Variants in ANK3 observed in about 807,000 individuals in gnomAD.
ANK3 encodes the protein ankyrin-3.
Under a neutral mutation model 370.9 loss-of-function variants are expected in ANK3, and 57 were observed. The ratio of observed to expected loss-of-function variants is 0.15; its 90% CI spans 0.12 to 0.19. The LOEUF is 0.19. Ranked by LOEUF, ANK3 falls within the 10% of genes least tolerant of loss-of-function variation. The probability of loss-of-function intolerance (pLI) is 1.00; values close to 1 mark genes in which losing one functional copy is unlikely to be tolerated. For synonymous variants in ANK3, 1,929 were observed against 1,946.3 expected, an observed-to-expected ratio of 0.99 and a Z score of 0.23; for missense variants, 4,439 against 5,302.1, an observed-to-expected ratio of 0.84 and a Z score of 5.06.
At chr10:60,700,787 T>G (rs1010772414) in intron 1 of ANK3, among the ~76,000 whole-genome samples, 8 of 152,068 alleles carry the variant, frequency 5.3e-5, no homozygotes, top group African/African-American at 1.9e-4. Context: ...TAAGATAAAT[T>G]CAAAATGAAT....
intron 30 of ANK3, among the ~76,000 whole-genome samples, chr10:60,085,904 C>T (rs1474785589): frequency 6.6e-6 from 1 of 152,100 alleles, no homozygotes. Context: ...CGTGAGCCAC[C>T]GCGCCCAGCC....
At chr10:60,454,675 G>A (rs1314004311) in intron 2 of ANK3, among the ~76,000 whole-genome samples, 7 of 152,038 alleles carry the variant, frequency 4.6e-5, no homozygotes, top group Admixed American at 6.6e-5. Context: ...TACACAAAAG[G>A]GTTCTGCTGT....
intron 7 of ANK3, among the ~76,000 whole-genome samples, chr10:60,258,458 T>C (rs928415570): frequency 2.0e-5 from 3 of 152,236 alleles, no homozygotes; most frequent in Non-Finnish European, 4.4e-5. Context: ...AAGTATGCTA[T>C]AAATCAGTTA....
At chr10:60,638,021 C>G (rs1367458119) in intron 1 of ANK3, among the ~76,000 whole-genome samples, 1 of 152,150 alleles carries the variant, frequency 6.6e-6, no homozygotes, top group Admixed American at 6.6e-5. Flanking sequence ...GAAGGAAGAA[C>G]CCCAACATAG....
intron 1 of ANK3, among the ~76,000 whole-genome samples, chr10:60,639,318 A>C (rs1322749043): frequency 6.6e-6 from 1 of 151,484 alleles, no homozygotes; most frequent in African/African-American, 2.4e-5. Flanking sequence ...TAGACCAAAA[A>C]GAAAAAAAAA....
chr10:60,124,148 C>T (rs919825256), intron 25 of ANK3, among the ~76,000 whole-genome samples: 3 of 151,918 alleles, frequency 2.0e-5, no homozygotes, highest in African/African-American at 4.8e-5. Flanking sequence ...AATCTCATAC[C>T]CCTAGATATT....
At chr10:60,051,795 G>A (rs2078092919) in intron 42 of ANK3, among the ~76,000 whole-genome samples, 2 of 151,016 alleles carry the variant, frequency 1.3e-5, no homozygotes, top group Admixed American at 1.3e-4. Flanking sequence ...ATGTGTGTGT[G>A]TGTGTGTGTG....
intron 2 of ANK3, among the ~76,000 whole-genome samples, chr10:60,467,932 A>T (rs1302565375): frequency 5.3e-5 from 8 of 152,124 alleles, no homozygotes; most frequent in Non-Finnish European, 1.0e-4. Flanking sequence ...GAAATTACTG[A>T]GACAAAGTTA....
chr10:60,508,343 T>C (rs572235199), intron 2 of ANK3: 2 of 152,612 alleles, frequency 1.3e-5, no homozygotes, highest in South Asian at 2.1e-4. Context: ...TTTCATTATT[T>C]CCGCTTTGCA....
intron 28 of ANK3, among the ~76,000 whole-genome samples, chr10:60,104,638 C>T (rs765130317): frequency 6.6e-6 from 1 of 152,086 alleles, no homozygotes; most frequent in Non-Finnish European, 1.5e-5. Context: ...TTTATCAGTG[C>T]TTCATGAATG....
chr10:60,514,274 C>T (rs1412344653), intron 2 of ANK3, among the ~76,000 whole-genome samples: 5 of 151,998 alleles, frequency 3.3e-5, no homozygotes, highest in Admixed American at 3.3e-4. Context: ...GGGTCAGTGC[C>T]CCGGCCCCCT....
chr10:60,088,123 G>A, intron 29 of ANK3, 24 bp downstream of exon 29: 1 of 1,607,162 alleles, frequency 6.2e-7, no homozygotes, highest in South Asian at 1.1e-5. Flanking sequence ...CATACTGAGG[G>A]AAACAACTTT....
intron 1 of ANK3, among the ~76,000 whole-genome samples, chr10:60,334,069 A>T (rs113829613): frequency 6.6e-6 from 1 of 152,218 alleles, no homozygotes; most frequent in African/African-American, 2.4e-5. Context: ...ACTACACTAA[A>T]AAAGGTTAAA....
At chr10:60,178,940 A>C (rs968519391) in intron 18 of ANK3, among the ~76,000 whole-genome samples, 12 of 152,058 alleles carry the variant, frequency 7.9e-5, no homozygotes, top group African/African-American at 1.9e-4. Flanking sequence ...ATAAAGGGTC[A>C]GCAAACTGGA....
At chr10:60,715,896 C>CAA (rs10687849) in intron 1 of ANK3, among the ~76,000 whole-genome samples, 152,254 of 152,256 alleles carry the variant, frequency 1, 76,126 homozygotes, top group Middle Eastern at 1. Flanking sequence ...TACTCCTTAA[C>CAA]AAGACTCTTC....
intron 23 of ANK3, chr10:60,140,886 T>C: frequency 1.0e-6 from 1 of 986,060 alleles, no homozygotes; most frequent in Non-Finnish European, 1.2e-6. Context: ...AATTAGGAGG[T>C]GATTCTTCTC....
At chr10:60,145,463 C>A (rs919062003) in intron 23 of ANK3, among the ~76,000 whole-genome samples, 2 of 152,106 alleles carry the variant, frequency 1.3e-5, no homozygotes, top group African/African-American at 4.8e-5. Flanking sequence ...TCCTTTATTT[C>A]TAGTCAGCAT....
chr10:60,192,221 AT>A (rs2132387487), intron 16 of ANK3, among the ~76,000 whole-genome samples: 2 of 151,952 alleles, frequency 1.3e-5, no homozygotes, highest in East Asian at 3.9e-4. Context: ...GCTGAGTAGT[AT>A]CCCATGGTGC....
At chr10:60,553,409 A>G (rs1484969042) in intron 2 of ANK3, among the ~76,000 whole-genome samples, 1 of 150,630 alleles carries the variant, frequency 6.6e-6, no homozygotes, top group African/African-American at 2.4e-5. Context: ...TCCAGAAAAT[A>G]TTAATTTCGT....
Sources: gnomAD v4.1 joint callset for allele counts (sites outside exome capture counted in the v4.1 genomes callset) on GRCh38, gnomAD v4.1.1 for gene constraint, MANE v1.5 for transcripts, NCBI Gene and HGNC (gene_info 2026-07-23, HGNC 2026-07-21) for gene names.